The following RASGRP3 variants were observed in gnomAD, a reference collection of about 807,000 sequenced individuals.
The protein encoded by RASGRP3 is ras guanyl-releasing protein 3.
Under a neutral mutation model 82.7 loss-of-function variants are expected in RASGRP3, and 54 were observed. The observed-to-expected ratio is 0.65, with a 90% CI of 0.52 to 0.82. The LOEUF is 0.82. Among genes scored for constraint, RASGRP3 ranks in the 40% least tolerant of loss-of-function variants. RASGRP3 has a pLI of 0.00. For synonymous variants in RASGRP3, 309 were observed against 300.5 expected (o/e 1.03, Z -0.29); for missense variants, 861 against 828.9 (o/e 1.04, Z -0.48).
At chr2:33,459,635 G>A (rs1025384804) in intron 2 of RASGRP3, among the ~76,000 whole-genome samples, 5 of 152,044 alleles carry the variant, frequency 3.3e-5, no homozygotes, top group Admixed American at 6.5e-5. Context: ...AAGTGACTGG[G>A]CATTTTTAAG....
intron 12 of RASGRP3, chr2:33,540,173 A>G (rs915847280): frequency 5.2e-5 from 8 of 152,432 alleles, no homozygotes; most frequent in African/African-American, 1.9e-4. Flanking sequence ...TTGCTGGGAG[A>G]AGATATTTAA....
At chr2:33,440,754 A>G (rs1665178624) in intron 1 of RASGRP3, among the ~76,000 whole-genome samples, 1 of 152,240 alleles carries the variant, frequency 6.6e-6, no homozygotes, top group African/African-American at 2.4e-5. Context: ...GATTATGATG[A>G]AGAATCTATA....
At chr2:33,483,552 A>G (rs1341735695) in intron 1 of RASGRP3, among the ~76,000 whole-genome samples, 1 of 145,646 alleles carries the variant, frequency 6.9e-6, no homozygotes, top group Non-Finnish European at 1.5e-5. Context: ...GCAGTGGCAC[A>G]ATCTTAGCTC....
intron 4 of RASGRP3, among the ~76,000 whole-genome samples, chr2:33,518,763 C>T (rs540151973): frequency 8.6e-5 from 13 of 151,952 alleles, no homozygotes; most frequent in South Asian, 6.2e-4. Context: ...CAGAAACACA[C>T]GCATTAGCCT....
intron 1 of RASGRP3, among the ~76,000 whole-genome samples, chr2:33,500,593 G>A (rs1174717772): frequency 1.3e-5 from 2 of 152,104 alleles, no homozygotes; most frequent in African/African-American, 4.8e-5. Context: ...TGGGAGGCAG[G>A]TTGAGCCATA....
intron 17 of RASGRP3, among the ~76,000 whole-genome samples, chr2:33,562,162 G>A (rs1676734550): frequency 1.3e-5 from 2 of 151,990 alleles, no homozygotes; most frequent in Admixed American, 6.6e-5. Flanking sequence ...CCATTTCAAG[G>A]GACTAATGAT....
chr2:33,486,168 T>A (rs200691799), intron 1 of RASGRP3, among the ~76,000 whole-genome samples: 155 of 142,774 alleles, frequency 1.1e-3, no homozygotes, highest in Admixed American at 1.3e-3. Flanking sequence ...TTATTTATTT[T>A]TTTTTTTTTT....
intron 1 of RASGRP3, among the ~76,000 whole-genome samples, chr2:33,495,142 G>T (rs1292219506): frequency 6.6e-6 from 1 of 152,220 alleles, no homozygotes; most frequent in Non-Finnish European, 1.5e-5. Flanking sequence ...TGTGGTGTCA[G>T]TAGGTAGCCC....
intron 1 of RASGRP3, among the ~76,000 whole-genome samples, chr2:33,480,702 C>T (rs1386566051): frequency 2.6e-5 from 4 of 152,208 alleles, no homozygotes; most frequent in African/African-American, 9.7e-5. Flanking sequence ...GTTTCAAAGA[C>T]ATCTGCTTCC....
At chr2:33,438,530 C>G (rs1301980828) in intron 1 of RASGRP3, among the ~76,000 whole-genome samples, 1 of 149,632 alleles carries the variant, frequency 6.7e-6, no homozygotes, top group African/African-American at 2.5e-5. Flanking sequence ...CCACTGCCCT[C>G]CAGCCTGGGC....
intron 14 of RASGRP3, among the ~76,000 whole-genome samples, chr2:33,553,006 T>A (rs983181578): frequency 6.6e-6 from 1 of 152,216 alleles, no homozygotes; most frequent in Non-Finnish European, 1.5e-5. Context: ...CCAGTGCCTC[T>A]TCCTAGCTAC....
rs188643794 is a variant in RASGRP3 at position 33,555,205 on chromosome 2, C to A, written c.1543-326C>A. The A allele has an allele frequency of 1.3e-3, 271 of 204,942 alleles. 1 individual carries two copies. Among genetic ancestry groups the A allele is most frequent in the African/African-American group, 6.0e-3 (262 of 43,584 alleles). The allele number at this position is 204,942 out of a possible 1,614,324, so 12.7% of individuals were successfully genotyped here. A position where few individuals can be genotyped will look rare whatever the true frequency, so the allele number is the denominator to read the frequency against. ...GTCATTAAAAAGAGAGAGCCAGGGGCTCCCAAAGACCAAGTGGCCATCTCC... is the reference window on the plus strand; with the variant it reads ...GTCATTAAAAAGAGAGAGCCAGGGGATCCCAAAGACCAAGTGGCCATCTCC... On this transcript the variant is annotated intron_variant, in intron 14 of 17. Coordinates refer to ENST00000403687, the MANE Select transcript of RASGRP3 (RefSeq NM_001139488.2).
At chr2:33,525,315 C>A (rs1461070250) in intron 9 of RASGRP3, among the ~76,000 whole-genome samples, 1 of 149,588 alleles carries the variant, frequency 6.7e-6, no homozygotes, top group Admixed American at 6.7e-5. Flanking sequence ...TATAGAAATC[C>A]TCAGATTTAT....
At chr2:33,539,388 A>C (rs1674003668) in intron 12 of RASGRP3, 178 bp downstream of exon 12, 1 of 553,494 alleles carries the variant, frequency 1.8e-6, no homozygotes, top group Admixed American at 3.2e-5. Flanking sequence ...GTCGATCAGA[A>C]AGGCCCTTTT....
chr2:33,451,601 A>C (rs1428541196), intron 2 of RASGRP3, among the ~76,000 whole-genome samples: 1 of 152,020 alleles, frequency 6.6e-6, no homozygotes, highest in Non-Finnish European at 1.5e-5. Context: ...TTTTGAGTTC[A>C]TTTTTGTATG....
chr2:33,474,804 T>C (rs914609682), upstream of RASGRP3, among the ~76,000 whole-genome samples: 4 of 152,222 alleles, frequency 2.6e-5, no homozygotes, highest in South Asian at 8.3e-4. Context: ...AAACCTCTTT[T>C]CTTTATAAAT....
chr2:33,473,652 C>G (rs1232393874), upstream of RASGRP3, among the ~76,000 whole-genome samples: 1 of 152,148 alleles, frequency 6.6e-6, no homozygotes. Context: ...TCCCCCATTT[C>G]TTTGCAAGGC....
At chr2:33,510,284 C>CA (rs139709217) in intron 1 of RASGRP3, among the ~76,000 whole-genome samples, 2,389 of 152,314 alleles carry the variant, frequency 0.016, 62 homozygotes, top group African/African-American at 0.055. Context: ...AACATCATTT[C>CA]AAAACGATTT....
At chr2:33,501,091 C>A (rs1251752266) in intron 1 of RASGRP3, among the ~76,000 whole-genome samples, 1 of 152,216 alleles carries the variant, frequency 6.6e-6, no homozygotes, top group Non-Finnish European at 1.5e-5. Context: ...TGCCTTCCCT[C>A]AGTGCCTGGC....
Sources: gnomAD v4.1 joint callset for allele counts (sites outside exome capture counted in the v4.1 genomes callset) on GRCh38, gnomAD v4.1.1 for gene constraint, MANE v1.5 for transcripts, NCBI Gene and HGNC (gene_info 2026-07-23, HGNC 2026-07-21) for gene names.